PIAS2: variants seen among roughly 807,000 people sequenced by gnomAD.
The protein encoded by PIAS2 is E3 SUMO-protein ligase PIAS2.
In PIAS2, 19 loss-of-function variants were observed where a neutral mutation model predicts 69.7. The observed-to-expected ratio is 0.27, with a 90% CI of 0.19 to 0.40. PIAS2 has a LOEUF of 0.40. PIAS2 is among the 10% of genes least tolerant of loss of function. The pLI, the probability that PIAS2 is intolerant of heterozygous loss-of-function variation, is 1.00. For synonymous variants in PIAS2, 261 were observed against 263.2 expected (o/e 0.99, Z 0.08); for missense variants, 624 against 757.0 (o/e 0.82, Z 2.06).
At chr18:46,817,018 A>G (rs2041631244) in intron 12 of PIAS2, 1 of 931,612 alleles carries the variant, frequency 1.1e-6, no homozygotes. Context: ...TGCATTTTCA[A>G]TATTTCTATT....
intron 8 of PIAS2, among the ~76,000 whole-genome samples, chr18:46,840,085 A>C (rs56217029): frequency 0.077 from 11,718 of 151,836 alleles, 482 homozygotes; most frequent in African/African-American, 0.1. Context: ...TGCTTAAACC[A>C]AGGAGGCGGA....
intron 12 of PIAS2, chr18:46,818,106 T>A: frequency 2.9e-6 from 3 of 1,036,828 alleles, no homozygotes; most frequent in Non-Finnish European, 3.5e-6. Flanking sequence ...ATTTAAAAAT[T>A]TTAAGTGCTT....
At chr18:46,846,376 T>G (rs2145265644) in intron 6 of PIAS2, 1 of 170,630 alleles carries the variant, frequency 5.9e-6, no homozygotes, top group East Asian at 1.6e-4. Flanking sequence ...TCTTTGTTCC[T>G]CTTCATAAAT....
chr18:46,832,914 A>C (rs2043891132), intron 9 of PIAS2, among the ~76,000 whole-genome samples: 3 of 150,922 alleles, frequency 2.0e-5, no homozygotes, highest in African/African-American at 7.4e-5. Flanking sequence ...AAAAAAGAGA[A>C]GCCATACCAA....
intron 2 of PIAS2, among the ~76,000 whole-genome samples, chr18:46,879,851 G>A (rs1260189591): frequency 6.6e-6 from 1 of 152,096 alleles, no homozygotes; most frequent in Non-Finnish European, 1.5e-5. Flanking sequence ...AGACATATAA[G>A]TATGATTCTA....
intron 2 of PIAS2, among the ~76,000 whole-genome samples, chr18:46,870,615 CAAAAAAAAAAAAA>C (rs58099640): frequency 4.0e-4 from 22 of 54,934 alleles, no homozygotes; most frequent in Middle Eastern, 0.017. Context: ...GACTCCGTCT[CAAAAAAAAAAAAA>C]AAAAAAAAAA....
intron 9 of PIAS2, among the ~76,000 whole-genome samples, chr18:46,832,196 C>G (rs2043721194): frequency 6.6e-6 from 1 of 151,812 alleles, no homozygotes; most frequent in Non-Finnish European, 1.5e-5. Flanking sequence ...GCGGGTGGAT[C>G]ACGAGGTCGG....
intron 3 of PIAS2, among the ~76,000 whole-genome samples, chr18:46,856,316 C>G (rs1471068067): frequency 2.0e-5 from 3 of 151,486 alleles, no homozygotes; most frequent in Non-Finnish European, 4.4e-5. Flanking sequence ...TTTTCTTTTA[C>G]TATAAAGACC....
intron 2 of PIAS2, among the ~76,000 whole-genome samples, chr18:46,879,981 G>A (rs571870718): frequency 6.6e-6 from 1 of 151,512 alleles, no homozygotes; most frequent in South Asian, 2.1e-4. Flanking sequence ...AGTTTTGCAA[G>A]ATGAAAAGGG....
At chr18:46,883,375 G>A (rs557658628) in intron 2 of PIAS2, among the ~76,000 whole-genome samples, 12 of 152,170 alleles carry the variant, frequency 7.9e-5, no homozygotes, top group East Asian at 1.9e-4. Context: ...TATAAACAGC[G>A]AACAAAGAGT....
intron 3 of PIAS2, among the ~76,000 whole-genome samples, chr18:46,856,155 G>A (rs891412444): frequency 1.3e-5 from 2 of 151,498 alleles, no homozygotes; most frequent in Non-Finnish European, 2.9e-5. Context: ...ACAGGCGCCC[G>A]CCACCACGCC....
chr18:46,816,448 CT>C, intron 12 of PIAS2: 1 of 984,774 alleles, frequency 1.0e-6, no homozygotes, highest in Non-Finnish European at 1.2e-6. Flanking sequence ...TTTCTAAAGC[CT>C]TTTTGAAAAT....
At chr18:46,916,347 A>G (rs919091234) in intron 1 of PIAS2, among the ~76,000 whole-genome samples, 2 of 152,148 alleles carry the variant, frequency 1.3e-5, no homozygotes, top group Non-Finnish European at 2.9e-5. Context: ...GTGTTACACA[A>G]ACGAGTTGCA....
chr18:46,887,604 T>C (rs888549117), intron 2 of PIAS2, among the ~76,000 whole-genome samples: 2 of 152,186 alleles, frequency 1.3e-5, no homozygotes, highest in African/African-American at 2.4e-5. Flanking sequence ...TTGTAAGCAA[T>C]TGATGGGCAT....
In PIAS2 at chr18:46,810,753, A is replaced by C. The variant is rs1175177348; in HGVS notation, c.*1680T>G. 2 of 151,720 alleles carry C rather than the reference A, an allele frequency of 1.3e-5. No homozygotes were observed. Among genetic ancestry groups the C allele is most frequent in the African/African-American group, 4.8e-5 (2 of 41,374 alleles). The allele number at this position is 151,720 out of a possible 1,614,324, so 9.4% of individuals were successfully genotyped here. A position where few individuals can be genotyped will look rare whatever the true frequency, so the allele number is the denominator to read the frequency against. The stretch of plus-strand genomic sequence containing the variant: ...GAGAAGGTGAAAGAAAAAAAAAAAA[A>C]ACCCCAAGCAAGGACAAGTCAGCTC... On this transcript the variant is annotated 3_prime_UTR_variant, in exon 14 of 14. Transcript: ENST00000585916.
At chr18:46,839,595 G>C (rs1301822712) in intron 8 of PIAS2, among the ~76,000 whole-genome samples, 1 of 152,042 alleles carries the variant, frequency 6.6e-6, no homozygotes, top group African/African-American at 2.4e-5. Flanking sequence ...TTAAGACCTA[G>C]GCCAGGCACG....
In PIAS2 at chr18:46,806,353, C is replaced by CTTTTTTTTTTTTTTTTTTTTTTTTT. The variant is rs869187746; in HGVS notation, c.*6055_*6079dup. On this transcript the variant is annotated 3_prime_UTR_variant, in exon 14 of 14. Coordinates refer to ENST00000585916, the MANE Select transcript of PIAS2 (RefSeq NM_004671.5). ...AAAATTCTTTGCACAATGCCTGTTA[C>CTTTTTTTTTTTTTTTTTTTTTTTTT]TTTTTTTTTTTTTTTTTTTTTTTTT... The CTTTTTTTTTTTTTTTTTTTTTTTTT allele has an allele frequency of 1.7e-5, 1 of 60,176 alleles. No individual in the cohort carries two copies. The highest frequency in any genetic ancestry group is 3.2e-5 in the Non-Finnish European group (1 of 30,792). The allele number at this position is 60,176 out of a possible 1,614,324, so 3.7% of individuals were successfully genotyped here.
chr18:46,817,488 AGATGTACTG>A, intron 12 of PIAS2: 1 of 945,580 alleles, frequency 1.1e-6, no homozygotes, highest in Non-Finnish European at 1.3e-6. Flanking sequence ...CCAGTTCTTC[AGATGTACTG>A]TAATTCTCTT....
intron 3 of PIAS2, among the ~76,000 whole-genome samples, chr18:46,862,708 T>C (rs181212732): frequency 6.6e-6 from 1 of 151,770 alleles, no homozygotes; most frequent in Admixed American, 6.6e-5. Context: ...TACACATATA[T>C]GTATATATTC....
Sources: allele counts gnomAD v4.1 joint callset (sites outside exome capture counted in the v4.1 genomes callset), GRCh38; gene constraint gnomAD v4.1.1; transcripts MANE v1.5; gene names NCBI Gene and HGNC (gene_info 2026-07-23, HGNC 2026-07-21).